VPS13B: variants seen among roughly 807,000 people sequenced by gnomAD.
VPS13B encodes the protein intermembrane lipid transfer protein VPS13B.
VPS13B carries 285 observed loss-of-function variants against 426.4 expected under a neutral mutation model. The observed-to-expected ratio is 0.67, with a 90% CI of 0.61 to 0.74. The LOEUF (loss-of-function observed/expected upper bound fraction) is 0.74, where lower values mean the gene tolerates loss of function less well. Among genes scored for constraint, VPS13B ranks in the 30% least tolerant of loss-of-function variants. VPS13B has a pLI of 0.00. For missense variants in VPS13B, 4,537 were observed against 4,782.6 expected (o/e 0.95, Z 1.51); for synonymous variants, 1,676 against 1,676.4 (o/e 1.00, Z 0.01).
intron 41 of VPS13B, among the ~76,000 whole-genome samples, chr8:99,778,047 C>T (rs947793024): frequency 2.6e-5 from 4 of 151,848 alleles, no homozygotes; most frequent in African/African-American, 7.3e-5. Context: ...CTGGCTAACA[C>T]GGTGAAACCC....
intron 56 of VPS13B, among the ~76,000 whole-genome samples, chr8:99,855,426 G>A (rs941128212): frequency 5.9e-5 from 9 of 152,090 alleles, no homozygotes; most frequent in African/African-American, 1.2e-4. Context: ...CTCAGGGTAC[G>A]TTATGGTAAT....
chr8:99,870,728 C>T (rs1817353128), intron 59 of VPS13B, 57 bp from the exon 60 acceptor site: 1 of 1,507,754 alleles, frequency 6.6e-7, no homozygotes, highest in African/African-American at 1.4e-5. Flanking sequence ...ATCATTGCAG[C>T]ATGAAACTGT....
chr8:99,469,824 T>C (rs1189701938), intron 24 of VPS13B, among the ~76,000 whole-genome samples: 1 of 152,052 alleles, frequency 6.6e-6, no homozygotes, highest in Non-Finnish European at 1.5e-5. Flanking sequence ...CCTTATAAAA[T>C]AGAAAAATTT....
intron 24 of VPS13B, among the ~76,000 whole-genome samples, chr8:99,474,734 A>G (rs1819603468): frequency 6.6e-6 from 1 of 152,170 alleles, no homozygotes; most frequent in Non-Finnish European, 1.5e-5. Context: ...CTCATCATAC[A>G]CCGCTTGTGA....
At chr8:99,473,053 G>A (rs1819495818) in intron 24 of VPS13B, among the ~76,000 whole-genome samples, 2 of 151,966 alleles carry the variant, frequency 1.3e-5, no homozygotes, top group South Asian at 4.1e-4. Context: ...TTCCAATCTA[G>A]ATGGATGAAT....
chr8:99,527,541 T>C (rs1441915389), intron 30 of VPS13B, among the ~76,000 whole-genome samples: 4 of 152,112 alleles, frequency 2.6e-5, no homozygotes, highest in Non-Finnish European at 5.9e-5. Context: ...TATTCTGTGA[T>C]GTGTTCAACC....
At chr8:99,313,332 A>T (rs1389219672) in intron 19 of VPS13B, among the ~76,000 whole-genome samples, 1 of 152,058 alleles carries the variant, frequency 6.6e-6, no homozygotes, top group Admixed American at 6.6e-5. Flanking sequence ...ATGGTGATGT[A>T]CATATGGGGT....
intron 35 of VPS13B, among the ~76,000 whole-genome samples, chr8:99,664,222 G>C (rs769302050): frequency 6.6e-6 from 1 of 151,746 alleles, no homozygotes; most frequent in Non-Finnish European, 1.5e-5. Context: ...GGCCAGGCTG[G>C]TCTCTAACTC....
chr8:99,114,140 A>C (rs1847525562), intron 6 of VPS13B, among the ~76,000 whole-genome samples: 1 of 98,892 alleles, frequency 1.0e-5, no homozygotes, highest in African/African-American at 3.9e-5. Context: ...TATAATTGCA[A>C]ATATCTTTTT....
chr8:99,067,104 A>C (rs1300907993), intron 3 of VPS13B, among the ~76,000 whole-genome samples: 1 of 152,202 alleles, frequency 6.6e-6, no homozygotes, highest in Non-Finnish European at 1.5e-5. Context: ...AAGGATCTAG[A>C]ACTGGAAATA....
chr8:99,212,127 A>G (rs1269369697), intron 17 of VPS13B, among the ~76,000 whole-genome samples: 2 of 152,082 alleles, frequency 1.3e-5, no homozygotes, highest in African/African-American at 4.8e-5. Context: ...TCCTGACCTC[A>G]ATTGATCCGC....
intron 19 of VPS13B, among the ~76,000 whole-genome samples, chr8:99,282,910 C>G (rs1588206593): frequency 6.6e-6 from 1 of 152,110 alleles, no homozygotes; most frequent in East Asian, 1.9e-4. Flanking sequence ...ACATGGGAAA[C>G]TTTTGGTCAT....
chr8:99,206,234 G>A (rs1327244053), intron 17 of VPS13B, among the ~76,000 whole-genome samples: 1 of 151,984 alleles, frequency 6.6e-6, no homozygotes, highest in African/African-American at 2.4e-5. Context: ...GTATTTGCAG[G>A]GAAATAACTT....
At chr8:99,827,311 T>C (rs1361946031) in intron 51 of VPS13B, among the ~76,000 whole-genome samples, 1 of 152,240 alleles carries the variant, frequency 6.6e-6, no homozygotes, top group African/African-American at 2.4e-5. Flanking sequence ...GGTGTATGTG[T>C]CCATGCATTC....
chr8:99,085,945 G>T (rs994300779), intron 3 of VPS13B, among the ~76,000 whole-genome samples: 6 of 152,108 alleles, frequency 3.9e-5, no homozygotes, highest in Non-Finnish European at 7.4e-5. Flanking sequence ...CAATTATGTT[G>T]CTCTTCTCGA....
chr8:99,809,123 A>G (rs919207108), intron 43 of VPS13B, among the ~76,000 whole-genome samples: 9 of 152,178 alleles, frequency 5.9e-5, no homozygotes, highest in African/African-American at 1.9e-4. Context: ...CAGGCCTTTT[A>G]CCATTTGATA....
chr8:99,022,514 GTATAAA>G (rs1226530632), intron 2 of VPS13B, among the ~76,000 whole-genome samples: 5 of 152,072 alleles, frequency 3.3e-5, no homozygotes, highest in Non-Finnish European at 1.5e-5. Context: ...TTATTAAAAT[GTATAAA>G]TATATAGTCT....
chr8:99,417,784 C>G (rs1433432235), intron 21 of VPS13B, among the ~76,000 whole-genome samples: 1 of 151,962 alleles, frequency 6.6e-6, no homozygotes, highest in Non-Finnish European at 1.5e-5. Flanking sequence ...CCTTACCTTA[C>G]TTTGTTTCTT....
chr8:99,309,453 G>T (rs1820828502), intron 19 of VPS13B, among the ~76,000 whole-genome samples: 1 of 152,120 alleles, frequency 6.6e-6, no homozygotes, highest in Non-Finnish European at 1.5e-5. Flanking sequence ...TTTCCCCATT[G>T]CTTGTTTTCA....
Sources: allele counts gnomAD v4.1 joint callset (sites outside exome capture counted in the v4.1 genomes callset), GRCh38; gene constraint gnomAD v4.1.1; transcripts MANE v1.5; gene names NCBI Gene and HGNC (gene_info 2026-07-23, HGNC 2026-07-21).